CFAP54: variants seen among roughly 807,000 people sequenced by gnomAD.
CFAP54 encodes the protein cilia- and flagella-associated protein 54.
A neutral mutation model predicts 370.4 loss-of-function variants in CFAP54; 290 were observed. The observed-to-expected ratio is 0.78, with a 90% CI of 0.71 to 0.86. The LOEUF is 0.86. Among genes scored for constraint, CFAP54 ranks in the 40% least tolerant of loss-of-function variants. The pLI is 0.00. For synonymous variants in CFAP54, 1,206 were observed against 1,236.5 expected, an observed-to-expected ratio of 0.98 and a Z score of 0.52; for missense variants, 3,399 against 3,528.7, an observed-to-expected ratio of 0.96 and a Z score of 0.93.
intron 61 of CFAP54, among the ~76,000 whole-genome samples, chr12:96,785,530 T>C (rs941262225): frequency 1.3e-5 from 2 of 152,118 alleles, no homozygotes; most frequent in Non-Finnish European, 2.9e-5. Context: ...GCAAATAGGC[T>C]GAGTCACAGA....
At chr12:96,696,924 ACAAAT>A (rs1169898695) in intron 45 of CFAP54, among the ~76,000 whole-genome samples, 1 of 152,214 alleles carries the variant, frequency 6.6e-6, no homozygotes, top group African/African-American at 2.4e-5. Flanking sequence ...ATGCTTCCTG[ACAAAT>A]CAAAGAGCAA....
chr12:96,689,058 T>G (rs753581843), intron 43 of CFAP54, 76 bp downstream of exon 43: 12 of 839,944 alleles, frequency 1.4e-5, no homozygotes, highest in Non-Finnish European at 2.0e-5. Context: ...GTTTATCATA[T>G]TCAGAAAACT....
At chr12:96,500,800 T>C (rs1955017225) in intron 1 of CFAP54, 34 bp from the exon 2 acceptor site, 1 of 1,457,952 alleles carries the variant, frequency 6.9e-7, no homozygotes. Context: ...CCTGCAGACT[T>C]TGACAATGTC....
rs190276218 is a variant in CFAP54 at position 96,723,525 on chromosome 12, A to C, written c.6965+2960A>C. 9.2e-5 allele frequency among the ~76,000 whole-genome samples: 14 copies of C among 152,238 alleles called. No individual in the cohort carries two copies. In the East Asian group the frequency reaches 2.7e-3, roughly 29 times the overall value. On this transcript the variant is annotated intron_variant, in intron 50 of 67. Transcript: ENST00000524981. ...TGAGTAAGGTAAGGATAGAGAGTTG[A>C]CCCCTGGATTTAGCATGGAGGCCAA...
chr12:96,611,530 G>A (rs1956358338), intron 26 of CFAP54, among the ~76,000 whole-genome samples: 1 of 152,244 alleles, frequency 6.6e-6, no homozygotes, highest in African/African-American at 2.4e-5. Context: ...GAACAAAGCT[G>A]GACGGAGAAT....
chr12:96,544,632 A>T (rs1347851917), intron 14 of CFAP54, among the ~76,000 whole-genome samples: 1 of 152,210 alleles, frequency 6.6e-6, no homozygotes, highest in Non-Finnish European at 1.5e-5. Context: ...CATACCCAGG[A>T]GGAAGGAACG....
intron 19 of CFAP54, among the ~76,000 whole-genome samples, chr12:96,569,746 T>C (rs1351107485): frequency 6.6e-6 from 1 of 152,216 alleles, no homozygotes; most frequent in East Asian, 1.9e-4. Context: ...TATGGTACCA[T>C]TTTGGACCAG....
intron 67 of CFAP54, among the ~76,000 whole-genome samples, chr12:96,862,024 TA>T (rs199630049): frequency 2.0e-5 from 3 of 151,374 alleles, no homozygotes; most frequent in Non-Finnish European, 4.4e-5. Context: ...AAGGCCTTTT[TA>T]AAAAAAAATG....
At chr12:96,622,052 CA>C (rs1956502322) in intron 27 of CFAP54, among the ~76,000 whole-genome samples, 1 of 151,780 alleles carries the variant, frequency 6.6e-6, no homozygotes, top group Non-Finnish European at 1.5e-5. Flanking sequence ...AAGTCTCTTC[CA>C]AATCTAAGAT....
intron 49 of CFAP54, 87 bp from the exon 50 acceptor site, chr12:96,720,318 A>G: frequency 8.7e-7 from 1 of 1,150,774 alleles, no homozygotes; most frequent in Non-Finnish European, 1.1e-6. Context: ...GTTACTTTTC[A>G]GTACATGAAA....
In CFAP54 at chr12:96,554,212, T is replaced by C. The variant is rs1441005801; in HGVS notation, c.2185T>C (p.Tyr729His). The C allele has an allele frequency of 3.3e-6, 5 of 1,517,776 alleles. No individual in the cohort carries two copies. The South Asian group carries it at 3.8e-5, about 11-fold the overall frequency. 94.0% of individuals were successfully genotyped at this position (1,517,776 alleles called of 1,614,324 possible). Residue 729 changes from tyrosine (Y) to histidine (H), a missense_variant, in exon 16 of 68, where the codon TAT (tyrosine) becomes CAT (histidine). Tyr to His is a moderately conservative substitution (Grantham distance 83, BLOSUM62 2). Coordinates refer to ENST00000524981, the MANE Select transcript of CFAP54 (RefSeq NM_001306084.2). Reference sequence around the variant, plus strand: ...TCCTGTGGAACAGTTACTTTTTGCTTATAAACTTCTTGACAGAGCAATCGG... The same window carrying C: ...TCCTGTGGAACAGTTACTTTTTGCTCATAAACTTCTTGACAGAGCAATCGG... ...KNPVEQLLFA[Y>H]KLLDRAIGGI...
At chr12:96,692,166 T>C (rs1410928280) in intron 44 of CFAP54, among the ~76,000 whole-genome samples, 2 of 152,178 alleles carry the variant, frequency 1.3e-5, no homozygotes, top group Non-Finnish European at 2.9e-5. Flanking sequence ...TATTGCCCCC[T>C]GATATGAATT....
intron 39 of CFAP54, among the ~76,000 whole-genome samples, chr12:96,664,619 C>CGTGT (rs1244496174): frequency 5.3e-5 from 3 of 56,378 alleles, no homozygotes; most frequent in African/African-American, 2.8e-4. Flanking sequence ...TTACCAAGAA[C>CGTGT]GTATGTGTGT....
At chr12:96,705,070 G>C (rs1050378912) in intron 47 of CFAP54, among the ~76,000 whole-genome samples, 1 of 152,080 alleles carries the variant, frequency 6.6e-6, no homozygotes, top group African/African-American at 2.4e-5. Flanking sequence ...AAACTTAGGC[G>C]TATTGGCAGT....
rs1158638811 is a variant in CFAP54, at chr12:96,786,647, C to T, written c.8456-28C>T. ...GATCATCCCGTTTTCTAATATGAAC[C>T]TAAACTAAGGTATTTTTCTTTCTTA... On this transcript the variant is annotated intron_variant, in intron 61 of 67. Transcript: ENST00000524981. 4 of 1,456,402 alleles carry T rather than the reference C, an allele frequency of 2.7e-6. No individual in the cohort carries two copies. The African/African-American group carries it at 5.6e-5, about 21-fold the overall frequency. 90.2% of individuals were successfully genotyped at this position (1,456,402 alleles called of 1,614,324 possible).
chr12:96,846,364 G>T (rs1959345777), intron 66 of CFAP54, among the ~76,000 whole-genome samples: 1 of 152,154 alleles, frequency 6.6e-6, no homozygotes, highest in Non-Finnish European at 1.5e-5. Context: ...TAGAGTTGTT[G>T]GTTGTGTAAC....
intron 50 of CFAP54, among the ~76,000 whole-genome samples, chr12:96,732,190 A>T (rs1957928896): frequency 6.6e-6 from 1 of 152,052 alleles, no homozygotes; most frequent in African/African-American, 2.4e-5. Flanking sequence ...CAGTAGCAGG[A>T]TCTCAGCTCA....
intron 60 of CFAP54, among the ~76,000 whole-genome samples, chr12:96,784,207 A>G (rs1443182952): frequency 6.6e-6 from 1 of 152,220 alleles, no homozygotes; most frequent in Non-Finnish European, 1.5e-5. Context: ...ATAATTGTGA[A>G]TTGCTCTCAC....
chr12:96,822,805 T>C (rs893624301), intron 65 of CFAP54, among the ~76,000 whole-genome samples: 4 of 152,228 alleles, frequency 2.6e-5, no homozygotes, highest in African/African-American at 9.6e-5. Context: ...CTTGCTCTCA[T>C]AGCTCTCTGG....
Sources: allele counts gnomAD v4.1 joint callset (sites outside exome capture counted in the v4.1 genomes callset), GRCh38; gene constraint gnomAD v4.1.1; transcripts MANE v1.5; gene names NCBI Gene and HGNC (gene_info 2026-07-23, HGNC 2026-07-21).